The following ST6GALNAC3 variants were observed in gnomAD, a reference collection of about 807,000 sequenced individuals.
ST6GALNAC3 encodes alpha-N-acetylgalactosaminide alpha-2,6-sialyltransferase 3.
In ST6GALNAC3, 25 loss-of-function variants were observed where a neutral mutation model predicts 32.7. That is an observed-to-expected ratio of 0.76 (90% CI 0.56 to 1.07). The LOEUF (loss-of-function observed/expected upper bound fraction) is 1.07. ST6GALNAC3 is among the 50% of genes least tolerant of loss of function. ST6GALNAC3 has a pLI of 0.00. For synonymous variants in ST6GALNAC3, 129 were observed against 133.1 expected (o/e 0.97, Z 0.21); for missense variants, 355 against 382.4 (o/e 0.93, Z 0.60).
At chr1:76,184,493 C>T (rs1361590796) in intron 1 of ST6GALNAC3, among the ~76,000 whole-genome samples, 3 of 147,900 alleles carry the variant, frequency 2.0e-5, no homozygotes, top group Non-Finnish European at 4.5e-5. Flanking sequence ...GAGCCAAGAT[C>T]GTGCCACTGC....
At chr1:76,494,742 T>TGC (rs1159051236) in intron 3 of ST6GALNAC3, among the ~76,000 whole-genome samples, 1 of 56,728 alleles carries the variant, frequency 1.8e-5, no homozygotes, top group African/African-American at 6.4e-5. Context: ...TTCATGTGTA[T>TGC]GCACACACAC....
intron 1 of ST6GALNAC3, among the ~76,000 whole-genome samples, chr1:76,217,750 G>A (rs1447583672): frequency 6.6e-6 from 1 of 152,150 alleles, no homozygotes; most frequent in African/African-American, 2.4e-5. Context: ...TCCCACGTAT[G>A]AGAGAGAACA....
At chr1:76,172,254 C>A (rs1415496267) in intron 1 of ST6GALNAC3, among the ~76,000 whole-genome samples, 2 of 152,110 alleles carry the variant, frequency 1.3e-5, no homozygotes, top group African/African-American at 4.8e-5. Flanking sequence ...ATTATCTCAA[C>A]AGATGCAGAA....
intron 3 of ST6GALNAC3, among the ~76,000 whole-genome samples, chr1:76,498,740 C>A (rs1357634980): frequency 9.6e-5 from 14 of 145,694 alleles, no homozygotes; most frequent in African/African-American, 3.5e-4. Flanking sequence ...AAAAAAAAAA[C>A]GGAGAAGAAA....
chr1:76,398,078 TC>T (rs549276193), intron 2 of ST6GALNAC3, among the ~76,000 whole-genome samples: 1 of 152,296 alleles, frequency 6.6e-6, no homozygotes, highest in African/African-American at 2.4e-5. Context: ...TTGGTTCCAG[TC>T]CTAGTAAGAA....
At chr1:76,354,843 T>C (rs1649310076) in intron 2 of ST6GALNAC3, among the ~76,000 whole-genome samples, 1 of 152,232 alleles carries the variant, frequency 6.6e-6, no homozygotes, top group Non-Finnish European at 1.5e-5. Context: ...CCGAGGCTTT[T>C]CTTTTCTATT....
At chr1:76,616,011 A>G (rs539788809) in intron 3 of ST6GALNAC3, among the ~76,000 whole-genome samples, 2 of 152,258 alleles carry the variant, frequency 1.3e-5, no homozygotes, top group Non-Finnish European at 2.9e-5. Flanking sequence ...AATTATTGTG[A>G]AAAAAAGGAG....
intron 1 of ST6GALNAC3, among the ~76,000 whole-genome samples, chr1:76,170,866 G>T (rs1178055604): frequency 1.3e-5 from 2 of 152,050 alleles, no homozygotes; most frequent in Non-Finnish European, 2.9e-5. Flanking sequence ...TGTTGTTGTG[G>T]TCTCTCAGGA....
intron 1 of ST6GALNAC3, among the ~76,000 whole-genome samples, chr1:76,300,891 A>G (rs573495276): frequency 6.6e-6 from 1 of 152,064 alleles, no homozygotes; most frequent in Admixed American, 6.6e-5. Context: ...TTTGAATTTG[A>G]TCTTGAAGGA....
At chr1:76,439,326 G>C (rs529639017) in intron 3 of ST6GALNAC3, among the ~76,000 whole-genome samples, 1 of 152,144 alleles carries the variant, frequency 6.6e-6, no homozygotes, top group Admixed American at 6.5e-5. Flanking sequence ...GAACTAAGCT[G>C]TTCCAAGAGG....
chr1:76,625,582 C>G (rs1030223487), intron 3 of ST6GALNAC3, among the ~76,000 whole-genome samples: 1 of 151,904 alleles, frequency 6.6e-6, no homozygotes, highest in Non-Finnish European at 1.5e-5. Flanking sequence ...TGTCAAGACT[C>G]TTGCCTCTTC....
rs11330040 is a variant in ST6GALNAC3 at position 76,585,392 on chromosome 1, G to GA, written c.624-42046dup. On this transcript the variant is annotated intron_variant, in intron 3 of 4. Coordinates refer to ENST00000328299, the MANE Select transcript of ST6GALNAC3 (RefSeq NM_152996.4). ...CAGAGTGAGACTCCTTCTCAAAAAA[G>GA]AAAAAAAAAAAAAACTATAAATATT... Among the ~76,000 whole-genome samples, 43 of 144,536 alleles carry GA rather than the reference G, an allele frequency of 3.0e-4. No individual in the cohort carries two copies. The South Asian group carries it at 5.1e-3, about 17-fold the overall frequency. The allele number at this position is 144,536 out of a possible 152,430, so 94.8% of individuals were successfully genotyped here.
At chr1:76,303,903 C>A (rs1005111563) in intron 1 of ST6GALNAC3, among the ~76,000 whole-genome samples, 2 of 151,844 alleles carry the variant, frequency 1.3e-5, no homozygotes, top group East Asian at 3.9e-4. Context: ...TTTCTCACTT[C>A]TCTTTATATT....
At chr1:76,546,851 T>G (rs1274883611) in intron 3 of ST6GALNAC3, among the ~76,000 whole-genome samples, 2 of 152,228 alleles carry the variant, frequency 1.3e-5, no homozygotes, top group African/African-American at 4.8e-5. Flanking sequence ...CACCACACGT[T>G]GTGTTCCCAC....
chr1:76,598,145 T>C (rs1017101727), intron 3 of ST6GALNAC3, among the ~76,000 whole-genome samples: 5 of 152,126 alleles, frequency 3.3e-5, no homozygotes, highest in Admixed American at 1.3e-4. Flanking sequence ...GAGAGCTCCC[T>C]GAGATCTCTT....
chr1:76,365,710 A>G (rs1650310828), intron 2 of ST6GALNAC3, among the ~76,000 whole-genome samples: 1 of 152,222 alleles, frequency 6.6e-6, no homozygotes, highest in East Asian at 1.9e-4. Flanking sequence ...AATAAGTCCT[A>G]GAATTCTTTT....
intron 2 of ST6GALNAC3, among the ~76,000 whole-genome samples, chr1:76,346,654 T>G (rs537246328): frequency 6.6e-6 from 1 of 152,282 alleles, no homozygotes; most frequent in East Asian, 1.9e-4. Context: ...ACATACGTTT[T>G]GTGAGATAGA....
Position 76,283,441 on chromosome 1 carries a change from G to A in ST6GALNAC3, c.19-30364G>A, listed in dbSNP as rs542022718. ...CTAGAGCTCACTGAAAGTGTTATGT[G>A]TACATGAGCAGGACCCTCAAGAGCC... On this transcript the variant is annotated intron_variant, in intron 1 of 4. Coordinates refer to ENST00000328299, the MANE Select transcript of ST6GALNAC3 (RefSeq NM_152996.4). Among the ~76,000 whole-genome samples the A allele has an allele frequency of 5.3e-5, 8 of 152,198 alleles. No individual in the cohort carries two copies. In the South Asian group the frequency reaches 1.7e-3, roughly 32 times the overall value.
Position 76,375,772 on chromosome 1 carries a change from TTAAA to T in ST6GALNAC3, c.214-36230_214-36227del, listed in dbSNP as rs1166855524. Among the ~76,000 whole-genome samples the T allele has an allele frequency of 5.9e-5, 9 of 152,334 alleles. No homozygotes were observed. The East Asian group carries it at 1.7e-3, about 29-fold the overall frequency. ...TATTTTTCTGAGAAGAAAGGATTGA[TTAAA>T]TAAATCAGGATTTATTCATAAAATG... is the stretch of plus-strand genomic sequence containing the variant. On this transcript the variant is annotated intron_variant, in intron 2 of 4. Coordinates refer to ENST00000328299, the MANE Select transcript of ST6GALNAC3 (RefSeq NM_152996.4).
Sources: allele counts gnomAD v4.1 joint callset (sites outside exome capture counted in the v4.1 genomes callset), GRCh38; gene constraint gnomAD v4.1.1; transcripts MANE v1.5; gene names NCBI Gene and HGNC (gene_info 2026-07-23, HGNC 2026-07-21).